Variants in DIP2C observed in about 807,000 individuals in gnomAD.
The protein encoded by DIP2C is disco-interacting protein 2 homolog C.
Under a neutral mutation model 192.4 loss-of-function variants are expected in DIP2C, and 33 were observed. The observed-to-expected ratio is 0.17, with a 90% CI of 0.13 to 0.23. The LOEUF (loss-of-function observed/expected upper bound fraction) is 0.23. Ranked by LOEUF, DIP2C falls within the 10% of genes least tolerant of loss-of-function variation. The pLI is 1.00. For missense variants in DIP2C, 1,537 were observed against 2,110.1 expected, an observed-to-expected ratio of 0.73 and a Z score of 5.32; for synonymous variants, 979 against 864.1, an observed-to-expected ratio of 1.13 and a Z score of -2.33.
At position 406,879 on chromosome 10, in the gene DIP2C, C is replaced by T. The variant is rs537527803; in HGVS notation, c.1149+2047G>A. Among the ~76,000 whole-genome samples, 30 of 152,248 alleles carry T rather than the reference C, an allele frequency of 2.0e-4. No homozygotes were observed. The South Asian group carries it at 2.5e-3, about 13-fold the overall frequency. Reference sequence around the variant, plus strand: ...ACCCTGCACTGGATGGAGCAGCTGACACCACCCAGACAGGTCATCTGGCTC... The same window carrying T: ...ACCCTGCACTGGATGGAGCAGCTGATACCACCCAGACAGGTCATCTGGCTC... On this transcript the variant is annotated intron_variant, in intron 9 of 36. Coordinates refer to ENST00000280886, the MANE Select transcript of DIP2C (RefSeq NM_014974.3).
intron 36 of DIP2C, among the ~76,000 whole-genome samples, chr10:279,592 G>A (rs776065493): frequency 4.6e-5 from 7 of 152,238 alleles, no homozygotes; most frequent in Admixed American, 3.9e-4. Context: ...ATTCCACAGC[G>A]CTGGGTGTCA....
chr10:613,281 T>TC (rs777467793), intron 1 of DIP2C, among the ~76,000 whole-genome samples: 1 of 152,110 alleles, frequency 6.6e-6, no homozygotes, highest in Non-Finnish European at 1.5e-5. Context: ...CCCTTACAGG[T>TC]CCTCGGCCTC....
intron 1 of DIP2C, among the ~76,000 whole-genome samples, chr10:519,951 A>T (rs1564814294): frequency 6.6e-6 from 1 of 152,066 alleles, no homozygotes; most frequent in Non-Finnish European, 1.5e-5. Context: ...CTCCCAAAGA[A>T]CCCTTCTCCG....
intron 1 of DIP2C, among the ~76,000 whole-genome samples, chr10:585,467 C>A (rs1294080653): frequency 6.6e-6 from 1 of 152,226 alleles, no homozygotes; most frequent in African/African-American, 2.4e-5. Context: ...CAGAGTAATT[C>A]TATAAAACCG....
intron 1 of DIP2C, among the ~76,000 whole-genome samples, chr10:684,813 C>G (rs939132114): frequency 2.6e-5 from 4 of 152,148 alleles, no homozygotes; most frequent in African/African-American, 9.7e-5. Context: ...TGTCTCTGTA[C>G]TTGACACGTA....
rs192927262 is a variant in DIP2C at position 589,301 on chromosome 10, C to T, written c.85+100193G>A. 2.0e-5 allele frequency among the ~76,000 whole-genome samples: 3 copies of T among 152,276 alleles called. No individual in the cohort carries two copies. In the East Asian group the frequency reaches 5.8e-4, roughly 29 times the overall value. On this transcript the variant is annotated intron_variant, in intron 1 of 36. Coordinates refer to ENST00000280886, the MANE Select transcript of DIP2C (RefSeq NM_014974.3). ...GCAGAAAATGTGTCTCTTCAATTCC[C>T]TAGGGGTGTCTTTTATATTAAAAGT...
At position 276,549 on chromosome 10, in the gene DIP2C, TG is replaced by T. The variant is rs777886924; in HGVS notation, c.*775del. On this transcript the variant is annotated 3_prime_UTR_variant, in exon 37 of 37. Transcript: ENST00000280886. ...ATTACAAGACTTTAATATTCTTGAATGTTTTTCTCTTTTATAGTTCTAAAGA... is the reference window on the plus strand; with the variant it reads ...ATTACAAGACTTTAATATTCTTGAATTTTTTCTCTTTTATAGTTCTAAAGA... 12 of 152,692 alleles carry T rather than the reference TG, an allele frequency of 7.9e-5. No homozygotes were observed. Among genetic ancestry groups the T allele is most frequent in the Non-Finnish European group, 1.5e-4 (10 of 68,042 alleles). The allele number at this position is 152,692 out of a possible 1,614,324, so 9.5% of individuals were successfully genotyped here.
At chr10:424,343 C>G (rs1470262122) in intron 4 of DIP2C, among the ~76,000 whole-genome samples, 1 of 135,020 alleles carries the variant, frequency 7.4e-6, no homozygotes, top group Non-Finnish European at 1.6e-5. Flanking sequence ...TGAAAATTCT[C>G]TATCACCTTG....
In DIP2C at chr10:363,144, G is replaced by C; in HGVS notation, c.2592+53C>G. On this transcript the variant is annotated intron_variant, in intron 21 of 36. Coordinates refer to ENST00000280886, the MANE Select transcript of DIP2C (RefSeq NM_014974.3). The surrounding 1 kb of genome is among the most constrained non-coding windows in gnomAD (Gnocchi z 5.4). ...TCACACCATGATCTGAATGAAGTAA[G>C]GAGGCCAGAAACAAGACACAGGGGA... 1 of 1,514,188 alleles carries C rather than the reference G, an allele frequency of 6.6e-7. No individual in the cohort carries two copies. Among genetic ancestry groups the C allele is most frequent in the Non-Finnish European group, 9.1e-7 (1 of 1,098,654 alleles). The allele number at this position is 1,514,188 out of a possible 1,614,324, so 93.8% of individuals were successfully genotyped here. A position where few individuals can be genotyped will look rare whatever the true frequency, so the allele number is the denominator to read the frequency against.
intron 1 of DIP2C, among the ~76,000 whole-genome samples, chr10:521,675 G>C (rs1846713522): frequency 6.6e-6 from 1 of 152,188 alleles, no homozygotes; most frequent in South Asian, 2.1e-4. Flanking sequence ...GAATAATTTA[G>C]ATTTGTGTAT....
In DIP2C at chr10:644,278, G is replaced by A. The variant is rs529018134; in HGVS notation, c.85+45216C>T. On this transcript the variant is annotated intron_variant, in intron 1 of 36. Transcript: ENST00000280886. ...AGGCTGCAGGAGGCTTGCAGAGGGA[G>A]CTGTCCCGCCAGCCTCTGGCAGAAA... Among the ~76,000 whole-genome samples, 4 of 152,374 alleles carry A rather than the reference G, an allele frequency of 2.6e-5. No individual in the cohort carries two copies. The South Asian group carries it at 8.3e-4, about 32-fold the overall frequency.
At chr10:591,267 G>A (rs1444439398) in intron 1 of DIP2C, among the ~76,000 whole-genome samples, 1 of 152,082 alleles carries the variant, frequency 6.6e-6, no homozygotes, top group African/African-American at 2.4e-5. Flanking sequence ...TGGGATTACA[G>A]GTGCCCGCCA....
At chr10:431,792 G>GGA (rs1023938871) in intron 4 of DIP2C, among the ~76,000 whole-genome samples, 1 of 152,190 alleles carries the variant, frequency 6.6e-6, no homozygotes, top group Admixed American at 6.5e-5. Flanking sequence ...AGTGGTGAGA[G>GGA]GAGACATCCT....
At chr10:368,342 T>C (rs1310590139) in intron 18 of DIP2C, among the ~76,000 whole-genome samples, 5 of 152,246 alleles carry the variant, frequency 3.3e-5, no homozygotes, top group South Asian at 2.1e-4. Context: ...CTTTTGAAGA[T>C]TTCACCATGC....
intron 31 of DIP2C, among the ~76,000 whole-genome samples, chr10:311,936 G>C (rs1425874941): frequency 6.6e-6 from 1 of 152,086 alleles, no homozygotes; most frequent in East Asian, 1.9e-4. Context: ...GAGGGACGCG[G>C]GAGTGCAAGT....
At chr10:455,362 G>A (rs1969210892) in intron 3 of DIP2C, among the ~76,000 whole-genome samples, 1 of 131,640 alleles carries the variant, frequency 7.6e-6, no homozygotes, top group Non-Finnish European at 1.7e-5. Flanking sequence ...ACACTGCAGT[G>A]AGTCCCTGCC....
rs756686861 is a variant in DIP2C, at chr10:341,314, T to C, written c.3469A>G (p.Thr1157Ala). ...TTAATGGAACGGCAGAAGGCACTGG[T>C]GGCTGCGTGAGACATCTGCAAAATA... Reference protein sequence around the residue: ...LAGVKMSHAATSAFCRSIKLQ... With the variant: ...LAGVKMSHAAASAFCRSIKLQ... The change falls in exon 29 of 37, where the codon ACC becomes GCC. Residue 1157 changes from threonine to alanine, a missense_variant. Thr to Ala is a moderately conservative substitution (Grantham distance 58, BLOSUM62 0). Around this residue, in one of 4 missense-constraint regions of DIP2C, gnomAD observed 341 missense variants for 551.7 expected, o/e 0.62. Transcript: ENST00000280886. 1.2e-6 allele frequency: 2 copies of C among 1,614,042 alleles called. No homozygotes were observed. The highest frequency in any genetic ancestry group is 1.3e-5 in the African/African-American group (1 of 75,032).
intron 1 of DIP2C, among the ~76,000 whole-genome samples, chr10:558,925 G>A (rs1554734341): frequency 6.6e-6 from 1 of 151,376 alleles, no homozygotes; most frequent in Non-Finnish European, 1.5e-5. Context: ...CGGACCACCC[G>A]ACCCCTCCCC....
chr10:305,118 T>C (rs1212513803), intron 32 of DIP2C, among the ~76,000 whole-genome samples: 1 of 152,088 alleles, frequency 6.6e-6, no homozygotes, highest in South Asian at 2.1e-4. Context: ...ACACGTACAC[T>C]TGTAACACAC....
Sources: allele counts gnomAD v4.1 joint callset (sites outside exome capture counted in the v4.1 genomes callset), GRCh38; gene constraint gnomAD v4.1.1; regional missense constraint gnomAD v4.1.1; non-coding constraint Gnocchi (gnomAD v3.1); transcripts MANE v1.5; gene names NCBI Gene and HGNC (gene_info 2026-07-23, HGNC 2026-07-21).